Variants in ADAM12 observed in about 807,000 individuals in gnomAD.
ADAM12 encodes the protein ADAM metallopeptidase domain 12, also known as disintegrin and metalloproteinase domain-containing protein 12.
In ADAM12, 70 loss-of-function variants were observed where a neutral mutation model predicts 106.4. That is an observed-to-expected ratio of 0.66 (90% CI 0.54 to 0.80). ADAM12 has a LOEUF of 0.80. Ranked by LOEUF, ADAM12 falls within the 30% of genes least tolerant of loss-of-function variation. The pLI is 0.00. For missense variants in ADAM12, 1,010 were observed against 1,171.9 expected (o/e 0.86, Z 2.02); for synonymous variants, 420 against 433.5 (o/e 0.97, Z 0.39).
chr10:126,048,662 G>A (rs1171041262), intron 16 of ADAM12, among the ~76,000 whole-genome samples: 1 of 149,132 alleles, frequency 6.7e-6, no homozygotes, highest in African/African-American at 2.5e-5. Flanking sequence ...GAGAAAGTTT[G>A]GTGAAAAAAA....
rs1360548666 is a variant in ADAM12, at chr10:126,064,430, T to C, written c.1609+376A>G. On this transcript the variant is annotated intron_variant, in intron 14 of 22. Transcript: ENST00000448723. The surrounding 1 kb of genome is among the most constrained non-coding windows in gnomAD (Gnocchi z 4.4). ...CTATGCTATCTGAGGGCAGGAGTCA[T>C]GGTGGATTCATCCCTGCCATCCCTC... Among the ~76,000 whole-genome samples the C allele has an allele frequency of 6.6e-6, 1 of 152,144 alleles. No homozygotes were observed. The highest frequency in any genetic ancestry group is 1.5e-5 in the Non-Finnish European group (1 of 67,996).
intron 4 of ADAM12, 48 bp downstream of exon 4, chr10:126,155,179 C>G: frequency 1.3e-6 from 2 of 1,591,058 alleles, no homozygotes; most frequent in Non-Finnish European, 1.7e-6. Flanking sequence ...AGGTTAAGCA[C>G]AGATCCAGTG....
chr10:126,195,339 C>T (rs1028622841), intron 3 of ADAM12, among the ~76,000 whole-genome samples: 1 of 151,994 alleles, frequency 6.6e-6, no homozygotes, highest in African/African-American at 2.4e-5. Context: ...CCTTGGGAGG[C>T]CCAGGTGGGT....
intron 3 of ADAM12, among the ~76,000 whole-genome samples, chr10:126,168,019 C>T (rs1418490269): frequency 2.0e-5 from 3 of 152,356 alleles, no homozygotes; most frequent in South Asian, 4.1e-4. Flanking sequence ...GATAGGAAAG[C>T]ATACCTTTCT....
At chr10:126,302,912 GA>G (rs1293597577) in intron 2 of ADAM12, among the ~76,000 whole-genome samples, 1 of 152,162 alleles carries the variant, frequency 6.6e-6, no homozygotes, top group African/African-American at 2.4e-5. Context: ...AGTGACGCCA[GA>G]AAAGAAGTGA....
intron 9 of ADAM12, among the ~76,000 whole-genome samples, chr10:126,099,612 A>G (rs996293680): frequency 2.0e-5 from 3 of 152,236 alleles, no homozygotes; most frequent in South Asian, 2.1e-4. Flanking sequence ...AATACATAAA[A>G]TGTACTTTTA....
At chr10:126,240,944 T>C (rs1958510240) in intron 3 of ADAM12, among the ~76,000 whole-genome samples, 1 of 152,236 alleles carries the variant, frequency 6.6e-6, no homozygotes, top group Non-Finnish European at 1.5e-5. Flanking sequence ...GCCAAACTCC[T>C]TGAAATAAAA....
chr10:126,260,011 T>C (rs1235169664), intron 3 of ADAM12, among the ~76,000 whole-genome samples: 1 of 152,086 alleles, frequency 6.6e-6, no homozygotes, highest in Non-Finnish European at 1.5e-5. Flanking sequence ...GCTGGGATGA[T>C]CTCCCAGAGG....
intron 4 of ADAM12, among the ~76,000 whole-genome samples, chr10:126,147,429 A>C (rs933775953): frequency 1.3e-5 from 2 of 152,162 alleles, no homozygotes; most frequent in African/African-American, 4.8e-5. Flanking sequence ...GCCCAAACAT[A>C]GTCATGACAC....
chr10:126,109,501 A>G (rs10159813), intron 7 of ADAM12, among the ~76,000 whole-genome samples: 11,001 of 152,234 alleles, frequency 0.072, 1,228 homozygotes, highest in African/African-American at 0.24. Flanking sequence ...GCCTTCTGTC[A>G]TTCCTCTCAG....
chr10:126,096,624 G>A (rs1249639148), intron 10 of ADAM12, among the ~76,000 whole-genome samples: 5 of 152,220 alleles, frequency 3.3e-5, no homozygotes, highest in African/African-American at 4.8e-5. Flanking sequence ...CGGGATGCCC[G>A]TGAATGTAAC....
chr10:126,186,561 A>T (rs186861879), intron 3 of ADAM12, among the ~76,000 whole-genome samples: 1 of 152,240 alleles, frequency 6.6e-6, no homozygotes, highest in East Asian at 1.9e-4. Context: ...AGTTCTAGGG[A>T]CATGGGGATG....
At position 126,202,591 on chromosome 10, in the gene ADAM12, A is replaced by T. The variant is rs554082455; in HGVS notation, c.261-47286T>A. ...GCTGCAGTGGATTGAAGATATTTTTAAAAACTTTCTCTCAAAATTACAGAT... is the reference window on the plus strand; with the variant it reads ...GCTGCAGTGGATTGAAGATATTTTTTAAAACTTTCTCTCAAAATTACAGAT... On this transcript the variant is annotated intron_variant, in intron 3 of 22. Coordinates refer to ENST00000448723, the MANE Select transcript of ADAM12 (RefSeq NM_001288973.2). 1.3e-3 allele frequency among the ~76,000 whole-genome samples: 203 copies of T among 152,352 alleles called. 1 individual carries two copies. Among genetic ancestry groups the T allele is most frequent in the Middle Eastern group, 6.8e-3 (2 of 294 alleles).
chr10:126,344,292 T>A (rs1183613209), intron 1 of ADAM12, among the ~76,000 whole-genome samples: 2 of 152,244 alleles, frequency 1.3e-5, no homozygotes, highest in Non-Finnish European at 2.9e-5. Flanking sequence ...CTTTCCCCAT[T>A]TCTTGTTTTT....
intron 3 of ADAM12, among the ~76,000 whole-genome samples, chr10:126,227,229 T>G (rs560195813): frequency 6.6e-6 from 1 of 151,984 alleles, no homozygotes; most frequent in African/African-American, 2.4e-5. Context: ...TGCCCACCAC[T>G]ATTACCATGA....
At chr10:126,219,239 G>A (rs748664972) in intron 3 of ADAM12, among the ~76,000 whole-genome samples, 1 of 152,186 alleles carries the variant, frequency 6.6e-6, no homozygotes, top group Non-Finnish European at 1.5e-5. Context: ...GCCTGACGAC[G>A]TGTGACCTCT....
rs144748827 is a variant in ADAM12 at position 126,057,404 on chromosome 10, A to C, written c.1609+7402T>G. ...AAAAACAAAAAAACAAAAAAACAAAAAAAAAAAACAATGCTTACTCTTATC... is the reference window on the plus strand; with the variant it reads ...AAAAACAAAAAAACAAAAAAACAAACAAAAAAAACAATGCTTACTCTTATC... On this transcript the variant is annotated intron_variant, in intron 14 of 22. Coordinates refer to ENST00000448723, the MANE Select transcript of ADAM12 (RefSeq NM_001288973.2). Among the ~76,000 whole-genome samples the C allele has an allele frequency of 5.7e-3, 175 of 30,916 alleles. 56 individuals are homozygous for C. The East Asian group carries it at 0.089, about 16-fold the overall frequency. The allele number at this position is 30,916 out of a possible 152,430, so 20.3% of individuals were successfully genotyped here. A position where few individuals can be genotyped will look rare whatever the true frequency, so the allele number is the denominator to read the frequency against.
At chr10:126,131,979 GTTTT>G (rs200265672) in intron 5 of ADAM12, among the ~76,000 whole-genome samples, 1,553 of 141,944 alleles carry the variant, frequency 0.011, 24 homozygotes, top group African/African-American at 0.037. Context: ...TTGAATTCGT[GTTTT>G]TTTTTTTTTT....
At chr10:126,288,267 A>G (rs1298496954) in intron 2 of ADAM12, among the ~76,000 whole-genome samples, 1 of 152,104 alleles carries the variant, frequency 6.6e-6, no homozygotes, top group Non-Finnish European at 1.5e-5. Flanking sequence ...TTCTGAGGAG[A>G]GTAGGCAGGG....
Sources: allele counts gnomAD v4.1 joint callset (sites outside exome capture counted in the v4.1 genomes callset), GRCh38; gene constraint gnomAD v4.1.1; non-coding constraint Gnocchi (gnomAD v3.1); transcripts MANE v1.5; gene names NCBI Gene and HGNC (gene_info 2026-07-23, HGNC 2026-07-21).